Variants in ZNF730 observed in about 807,000 individuals in gnomAD.
ZNF730 encodes zinc finger protein 730.
In ZNF730, 12 loss-of-function variants were observed where a neutral mutation model predicts 12.6. That is an observed-to-expected ratio of 0.95 (90% confidence interval 0.61 to 1.54). The LOEUF is 1.54. ZNF730 is among the 40% of genes most tolerant of loss of function. The pLI, the probability that ZNF730 is intolerant of heterozygous loss-of-function variation, is 0.00. For synonymous variants in ZNF730, 194 were observed against 195.8 expected, an observed-to-expected ratio of 0.99 and a Z score of 0.08; for missense variants, 643 against 583.5, an observed-to-expected ratio of 1.10 and a Z score of -1.05.
intron 1 of ZNF730, among the ~76,000 whole-genome samples, chr19:23,077,023 A>G (rs1050760585): frequency 6.6e-6 from 1 of 152,164 alleles, no homozygotes; most frequent in Non-Finnish European, 1.5e-5. Flanking sequence ...AAATGAGATC[A>G]TGTCTTTCGG....
chr19:23,128,085 A>G, intron 1 of ZNF730: 1 of 801,740 alleles, frequency 1.2e-6, no homozygotes, highest in South Asian at 1.3e-5. Context: ...ATGGTCAGCC[A>G]AGTGCCTTCA....
chr19:23,085,990 G>A (rs1022466129), intron 1 of ZNF730, among the ~76,000 whole-genome samples: 7 of 151,570 alleles, frequency 4.6e-5, no homozygotes, highest in Non-Finnish European at 7.4e-5. Context: ...GATTACAGGC[G>A]CCTGCCACCA....
chr19:23,082,564 T>C (rs1969982688), intron 1 of ZNF730, among the ~76,000 whole-genome samples: 1 of 152,026 alleles, frequency 6.6e-6, no homozygotes, highest in South Asian at 2.1e-4. Context: ...CCAGGCTGGT[T>C]GCAAACTTCT....
At chr19:23,123,278 A>G (rs575058105) in intron 1 of ZNF730, 1 of 152,410 alleles carries the variant, frequency 6.6e-6, no homozygotes, top group African/African-American at 2.4e-5. Context: ...CATGAAAAAG[A>G]AACCTTATAG....
chr19:23,126,599 GT>G (rs911576140), intron 1 of ZNF730: 112 of 479,168 alleles, frequency 2.3e-4, no homozygotes, highest in Non-Finnish European at 1.1e-4. Context: ...CTGCCAGGCA[GT>G]TTGGCAGCAA....
chr19:23,111,554 C>T (rs572068303), intron 1 of ZNF730, among the ~76,000 whole-genome samples: 35 of 152,122 alleles, frequency 2.3e-4, no homozygotes, highest in Admixed American at 4.6e-4. Context: ...CAAGACCAGC[C>T]TGATCAACAT....
At chr19:23,133,561 C>T (rs531229405) in intron 1 of ZNF730, among the ~76,000 whole-genome samples, 19 of 152,226 alleles carry the variant, frequency 1.2e-4, no homozygotes, top group Non-Finnish European at 2.6e-4. Context: ...AGGCTGGTCC[C>T]GAAATCCTGA....
At chr19:23,116,859 A>T (rs529882710), upstream of ZNF730, 101 of 316,358 alleles carry the variant, frequency 3.2e-4, no homozygotes, top group African/African-American at 2.0e-3. Context: ...AAAAGGCTGC[A>T]GCCTACGCTG....
At chr19:23,131,510 C>G (rs1430276054) in intron 1 of ZNF730, among the ~76,000 whole-genome samples, 1 of 152,126 alleles carries the variant, frequency 6.6e-6, no homozygotes, top group East Asian at 1.9e-4. Context: ...AAACAAAAAA[C>G]ATTGTTGCTT....
intron 1 of ZNF730, among the ~76,000 whole-genome samples, chr19:23,102,707 G>T (rs1970349777): frequency 6.6e-6 from 1 of 151,928 alleles, no homozygotes; most frequent in South Asian, 2.1e-4. Context: ...TGTTGGCCAG[G>T]CTGGTCTCGA....
intron 1 of ZNF730, chr19:23,127,181 C>A: frequency 1.8e-6 from 1 of 557,098 alleles, no homozygotes; most frequent in Non-Finnish European, 3.4e-6. Context: ...AAATTATCTA[C>A]ATCCTTTACT....
At chr19:23,139,628 A>C (rs1970885355) in intron 3 of ZNF730, among the ~76,000 whole-genome samples, 1 of 152,060 alleles carries the variant, frequency 6.6e-6, no homozygotes, top group East Asian at 1.9e-4. Flanking sequence ...GAATTCAAGC[A>C]ATTCTCCTGT....
chr19:23,085,997 A>G (rs1206752968), intron 1 of ZNF730, among the ~76,000 whole-genome samples: 1 of 151,548 alleles, frequency 6.6e-6, no homozygotes. Context: ...GGCGCCTGCC[A>G]CCATGTCCAG....
At chr19:23,077,827 G>C (rs1277302114) in intron 1 of ZNF730, among the ~76,000 whole-genome samples, 2 of 152,184 alleles carry the variant, frequency 1.3e-5, no homozygotes, top group Non-Finnish European at 2.9e-5. Context: ...TCTGTACTAA[G>C]AAAAATTCTT....
At chr19:23,076,879 G>A (rs1228052792) in intron 1 of ZNF730, among the ~76,000 whole-genome samples, 1 of 152,026 alleles carries the variant, frequency 6.6e-6, no homozygotes, top group Non-Finnish European at 1.5e-5. Flanking sequence ...ATAAAGACAC[G>A]TGCATGTGTA....
chr19:23,082,264 G>A (rs986103636), intron 1 of ZNF730, among the ~76,000 whole-genome samples: 1 of 151,788 alleles, frequency 6.6e-6, no homozygotes, highest in Non-Finnish European at 1.5e-5. Context: ...AAAATTATGA[G>A]ATCATGAAGT....
chr19:23,094,887 CA>C (rs1970223391), intron 1 of ZNF730: 1 of 152,676 alleles, frequency 6.5e-6, no homozygotes, highest in African/African-American at 2.4e-5. Flanking sequence ...ATGTTGCCCC[CA>C]GTATCGTATC....
intron 3 of ZNF730, among the ~76,000 whole-genome samples, chr19:23,142,403 G>A (rs1970934952): frequency 6.6e-6 from 1 of 151,978 alleles, no homozygotes. Context: ...ATGTCTCTTG[G>A]CCAGGCGCGG....
chr19:23,104,849 T>G (rs182113193), intron 1 of ZNF730, among the ~76,000 whole-genome samples: 8 of 152,210 alleles, frequency 5.3e-5, no homozygotes, highest in African/African-American at 1.9e-4. Flanking sequence ...GTGAAAAATA[T>G]CACTTTTTAA....
Sources: gnomAD v4.1 joint callset for allele counts (sites outside exome capture counted in the v4.1 genomes callset) on GRCh38, gnomAD v4.1.1 for gene constraint, MANE v1.5 for transcripts, NCBI Gene and HGNC (gene_info 2026-07-23, HGNC 2026-07-21) for gene names.